The following LRP1B variants were observed in gnomAD, a reference collection of about 807,000 sequenced individuals.
The protein encoded by LRP1B is LDL receptor related protein 1B.
Under a neutral mutation model 556.6 loss-of-function variants are expected in LRP1B, and 217 were observed. The observed-to-expected ratio is 0.39, with a 90% CI of 0.35 to 0.44. LRP1B has a LOEUF of 0.44. LRP1B is among the 20% of genes least tolerant of loss of function. The pLI is 1.00. For missense variants in LRP1B, 5,053 were observed against 5,620.8 expected (o/e 0.90, Z 3.23); for synonymous variants, 2,047 against 1,865.8 (o/e 1.10, Z -2.50).
At chr2:141,421,812 A>ACC (rs1272718458) in intron 3 of LRP1B, among the ~76,000 whole-genome samples, 3 of 152,144 alleles carry the variant, frequency 2.0e-5, no homozygotes, top group Admixed American at 6.5e-5. Context: ...CTCTTTCTCT[A>ACC]TCTCTGAACG....
intron 72 of LRP1B, among the ~76,000 whole-genome samples, chr2:140,361,050 AT>A (rs902217892): frequency 3.4e-4 from 51 of 151,000 alleles, no homozygotes; most frequent in Non-Finnish European, 6.4e-4. Context: ...TTCACCAATG[AT>A]TTTGTCTGTA....
intron 3 of LRP1B, among the ~76,000 whole-genome samples, chr2:141,413,021 G>A (rs2104946166): frequency 6.6e-6 from 1 of 152,246 alleles, no homozygotes; most frequent in East Asian, 1.9e-4. Context: ...AAGGCTAGGA[G>A]TTCAGTAACA....
In LRP1B at chr2:140,330,690, A is replaced by G. The variant is rs1680760847; in HGVS notation, c.12223+3763T>C. 2.6e-5 allele frequency among the ~76,000 whole-genome samples: 3 copies of G among 114,976 alleles called. No homozygotes were observed. In the South Asian group the frequency reaches 7.2e-4, roughly 28 times the overall value. 75.4% of individuals were successfully genotyped at this position (114,976 alleles called of 152,430 possible). A position where few individuals can be genotyped will look rare whatever the true frequency, so the allele number is the denominator to read the frequency against. ...AACGATTTCATGATGAAGATGCCAAAAGCAATTGTTAACAAGAAAAAATTG... is the reference window on the plus strand; with the variant it reads ...AACGATTTCATGATGAAGATGCCAAGAGCAATTGTTAACAAGAAAAAATTG... On this transcript the variant is annotated intron_variant, in intron 79 of 90. Transcript: ENST00000389484.
intron 20 of LRP1B, among the ~76,000 whole-genome samples, chr2:140,938,628 G>C (rs1573901327): frequency 6.6e-6 from 1 of 152,160 alleles, no homozygotes; most frequent in East Asian, 1.9e-4. Context: ...TAGGAATAAA[G>C]AGCAGTCAGT....
chr2:141,000,938 C>T (rs939388091), intron 15 of LRP1B, among the ~76,000 whole-genome samples: 2 of 150,610 alleles, frequency 1.3e-5, no homozygotes, highest in African/African-American at 4.9e-5. Context: ...GATATGTTCA[C>T]CTAAAAGCAA....
In LRP1B at chr2:141,573,908, T is replaced by C. The variant is rs575473643; in HGVS notation, c.206-93375A>G. Among the ~76,000 whole-genome samples the C allele has an allele frequency of 4.6e-5, 7 of 152,154 alleles. No homozygotes were observed. The South Asian group carries it at 1.2e-3, about 27-fold the overall frequency. On this transcript the variant is annotated intron_variant, in intron 2 of 90. Coordinates refer to ENST00000389484, the MANE Select transcript of LRP1B (RefSeq NM_018557.3). ...CATGACTAAACTGGAAGAAATTGAA[T>C]CCCTGAATAGACCAAAAACAAGTTC...
chr2:141,354,213 T>G (rs1486488387), intron 3 of LRP1B, among the ~76,000 whole-genome samples: 1 of 151,810 alleles, frequency 6.6e-6, no homozygotes, highest in Non-Finnish European at 1.5e-5. Flanking sequence ...AAACTAAAAG[T>G]TAAAAAAGAA....
intron 1 of LRP1B, among the ~76,000 whole-genome samples, chr2:141,923,267 A>C (rs1277372861): frequency 1.3e-5 from 2 of 151,770 alleles, no homozygotes; most frequent in Non-Finnish European, 2.9e-5. Flanking sequence ...ATGACTTGCC[A>C]CCTCTACAGA....
At chr2:140,537,455 T>C (rs925393041) in intron 45 of LRP1B, among the ~76,000 whole-genome samples, 18 of 152,152 alleles carry the variant, frequency 1.2e-4, no homozygotes, top group African/African-American at 4.1e-4. Flanking sequence ...TATCTTCTGA[T>C]GAAACCTCAG....
At chr2:140,518,840 T>C (rs747364006) in intron 49 of LRP1B, among the ~76,000 whole-genome samples, 6 of 152,280 alleles carry the variant, frequency 3.9e-5, no homozygotes, top group South Asian at 4.1e-4. Flanking sequence ...GCTGAGACAA[T>C]GGGGTTTTCT....
intron 3 of LRP1B, among the ~76,000 whole-genome samples, chr2:141,357,287 C>T (rs1481118314): frequency 1.3e-5 from 2 of 152,032 alleles, no homozygotes; most frequent in Non-Finnish European, 1.5e-5. Context: ...ATCTCCTGAC[C>T]TTGTGATCCA....
At chr2:140,520,443 T>G (rs1690112200) in intron 49 of LRP1B, among the ~76,000 whole-genome samples, 1 of 151,884 alleles carries the variant, frequency 6.6e-6, no homozygotes, top group African/African-American at 2.4e-5. Flanking sequence ...CATCACACAC[T>G]GGGGTCTGTT....
intron 37 of LRP1B, among the ~76,000 whole-genome samples, chr2:140,712,298 T>C (rs187173298): frequency 3.8e-4 from 58 of 152,258 alleles, no homozygotes; most frequent in African/African-American, 1.3e-3. Context: ...GCCAAGATTA[T>C]GTTCAAAATT....
chr2:140,369,537 T>C (rs1351472937), intron 71 of LRP1B, among the ~76,000 whole-genome samples: 3 of 151,790 alleles, frequency 2.0e-5, no homozygotes, highest in African/African-American at 7.3e-5. Flanking sequence ...TAGCCTAAGG[T>C]AGAAAGAGCC....
At chr2:142,026,820 A>C (rs1703523718) in intron 1 of LRP1B, among the ~76,000 whole-genome samples, 1 of 152,050 alleles carries the variant, frequency 6.6e-6, no homozygotes, top group African/African-American at 2.4e-5. Context: ...TTTGTTTTCA[A>C]GTATGTAACT....
intron 1 of LRP1B, among the ~76,000 whole-genome samples, chr2:142,108,075 C>T (rs1205383617): frequency 6.6e-6 from 1 of 150,872 alleles, no homozygotes; most frequent in Non-Finnish European, 1.5e-5. Context: ...GTACTTAGGG[C>T]TACAGATATA....
intron 11 of LRP1B, among the ~76,000 whole-genome samples, chr2:141,046,530 T>C (rs1186160711): frequency 6.6e-6 from 1 of 152,146 alleles, no homozygotes; most frequent in Non-Finnish European, 1.5e-5. Flanking sequence ...ATGTTAAATA[T>C]ATTTCAGGTG....
At chr2:140,841,860 G>A (rs1173464959) in intron 29 of LRP1B, among the ~76,000 whole-genome samples, 1 of 152,148 alleles carries the variant, frequency 6.6e-6, no homozygotes, top group Non-Finnish European at 1.5e-5. Flanking sequence ...GATAAATGCA[G>A]AAAATCTTTT....
chr2:140,884,425 A>G (rs1693571924), intron 24 of LRP1B, among the ~76,000 whole-genome samples: 1 of 152,182 alleles, frequency 6.6e-6, no homozygotes, highest in Admixed American at 6.5e-5. Flanking sequence ...AGAGTAGAAT[A>G]AAATCAAAAG....
Sources: gnomAD v4.1 joint callset for allele counts (sites outside exome capture counted in the v4.1 genomes callset) on GRCh38, gnomAD v4.1.1 for gene constraint, MANE v1.5 for transcripts, NCBI Gene and HGNC (gene_info 2026-07-23, HGNC 2026-07-21) for gene names.